Variants in PBX1 observed in about 807,000 individuals in gnomAD.
PBX1 encodes PBX homeobox 1, also known as pre-B-cell leukemia transcription factor 1.
In PBX1, 6 loss-of-function variants were observed where a neutral mutation model predicts 53.4. The observed-to-expected ratio is 0.11, with a 90% confidence interval of 0.06 to 0.22. PBX1 has a LOEUF of 0.22. Ranked by LOEUF, PBX1 falls within the 10% of genes least tolerant of loss-of-function variation. The pLI is 1.00. For missense variants in PBX1, 251 were observed against 551.4 expected (o/e 0.46, Z 5.46); for synonymous variants, 204 against 212.3 (o/e 0.96, Z 0.34).
chr1:164,660,911 A>G (rs766431633), intron 2 of PBX1, among the ~76,000 whole-genome samples: 1 of 152,160 alleles, frequency 6.6e-6, no homozygotes, highest in Non-Finnish European at 1.5e-5. Flanking sequence ...CTCAGCACTA[A>G]GTTACCTACC....
chr1:164,666,541 G>T (rs1660817084), intron 2 of PBX1, among the ~76,000 whole-genome samples: 1 of 152,008 alleles, frequency 6.6e-6, no homozygotes, highest in African/African-American at 2.4e-5. Flanking sequence ...GGCTGATGGA[G>T]CAAATATTCT....
rs182083228 is a variant in PBX1 at position 164,809,323 on chromosome 1, G to T, written c.837+1646G>T. Among the ~76,000 whole-genome samples the T allele has an allele frequency of 1.8e-3, 268 of 152,206 alleles. 1 individual carries two copies. The highest frequency in any genetic ancestry group is 6.8e-3 in the Middle Eastern group (2 of 294). On this transcript the variant is annotated intron_variant, in intron 5 of 8. Transcript: ENST00000420696. ...TATGGAAACTCAAGGTACAAATAGT[G>T]TGTCCATTAAAATCCTTATTTACAT...
intron 2 of PBX1, among the ~76,000 whole-genome samples, chr1:164,573,484 CTTTTTTTTTTT>C (rs747696401): frequency 9.6e-6 from 1 of 104,626 alleles, no homozygotes; most frequent in East Asian, 2.8e-4. Flanking sequence ...TACAGCACAT[CTTTTTTTTTTT>C]TTTTTTTTTT....
rs1663020520 is a variant in PBX1 at position 164,699,972 on chromosome 1, G to A, written c.266-92522G>A. 2.6e-5 allele frequency among the ~76,000 whole-genome samples: 4 copies of A among 152,288 alleles called. No homozygotes were observed. In the South Asian group the frequency reaches 8.3e-4, roughly 32 times the overall value. ...AAATGTGATGGATAGAGAAATAGAG[G>A]CGAAGGAGGGGACTTAATACTGAGA... On this transcript the variant is annotated intron_variant, in intron 2 of 8. Coordinates refer to ENST00000420696, the MANE Select transcript of PBX1 (RefSeq NM_002585.4).
intron 2 of PBX1, among the ~76,000 whole-genome samples, chr1:164,752,122 A>G (rs1410317592): frequency 6.6e-6 from 1 of 151,906 alleles, no homozygotes; most frequent in Non-Finnish European, 1.5e-5. Context: ...TCAAATGCCA[A>G]GGGAGATTTT....
intron 2 of PBX1, among the ~76,000 whole-genome samples, chr1:164,882,744 A>C (rs1462741374): frequency 6.6e-6 from 1 of 152,150 alleles, no homozygotes; most frequent in Non-Finnish European, 1.5e-5. Flanking sequence ...CCAGCCTCTG[A>C]TGTAATTATA....
intron 4 of PBX1, among the ~76,000 whole-genome samples, chr1:164,804,863 C>T (rs996348682): frequency 6.6e-6 from 1 of 152,164 alleles, no homozygotes; most frequent in African/African-American, 2.4e-5. Flanking sequence ...ATAGTAATGT[C>T]ACCAAATAAT....
chr1:164,833,281 G>T (rs1670859543), intron 8 of PBX1, among the ~76,000 whole-genome samples: 1 of 152,090 alleles, frequency 6.6e-6, no homozygotes, highest in Non-Finnish European at 1.5e-5. Context: ...GTCTAATGTG[G>T]TGATTTTTGC....
intron 2 of PBX1, among the ~76,000 whole-genome samples, chr1:164,703,951 G>A (rs1012964038): frequency 6.6e-6 from 1 of 152,116 alleles, no homozygotes; most frequent in African/African-American, 2.4e-5. Flanking sequence ...AATTGCATTT[G>A]AATCAGATGA....
chr1:164,564,985 A>G (rs1653329160), intron 2 of PBX1, among the ~76,000 whole-genome samples: 1 of 152,096 alleles, frequency 6.6e-6, no homozygotes, highest in Non-Finnish European at 1.5e-5. Flanking sequence ...AGCATATGTG[A>G]TAATATGGAC....
intron 2 of PBX1, among the ~76,000 whole-genome samples, chr1:164,717,438 G>T (rs1280037500): frequency 6.6e-6 from 1 of 152,170 alleles, no homozygotes; most frequent in Non-Finnish European, 1.5e-5. Flanking sequence ...ACGCTTGGGT[G>T]TTCTGGTGGC....
At chr1:164,602,526 T>A (rs1472532981) in intron 2 of PBX1, among the ~76,000 whole-genome samples, 1 of 152,098 alleles carries the variant, frequency 6.6e-6, no homozygotes, top group Non-Finnish European at 1.5e-5. Context: ...TATACATGTT[T>A]CCACCCACTT....
At chr1:164,674,847 GCCCCCCCCCCC>G (rs78130048) in intron 2 of PBX1, 1 of 40,616 alleles carries the variant, frequency 2.5e-5, no homozygotes, top group African/African-American at 6.4e-5. Context: ...AGAAATCACA[GCCCCCCCCCCC>G]CCCCACCCAC....
At chr1:164,709,905 A>G (rs1663657030) in intron 2 of PBX1, among the ~76,000 whole-genome samples, 1 of 152,154 alleles carries the variant, frequency 6.6e-6, no homozygotes, top group Non-Finnish European at 1.5e-5. Flanking sequence ...TAATCTGCAG[A>G]AGGAAAGCAT....
intron 2 of PBX1, among the ~76,000 whole-genome samples, chr1:164,864,033 G>A (rs573945164): frequency 5.3e-5 from 8 of 152,290 alleles, no homozygotes; most frequent in Admixed American, 4.6e-4. Context: ...TCCCTCGTGA[G>A]CTCAGTCTGG....
At chr1:164,720,901 G>T (rs1664367363) in intron 2 of PBX1, among the ~76,000 whole-genome samples, 1 of 152,176 alleles carries the variant, frequency 6.6e-6, no homozygotes, top group South Asian at 2.1e-4. Context: ...GGTTTCTGCG[G>T]TTTCCTTCCT....
rs1553255712 is a variant in PBX1 at position 164,870,356 on chromosome 1, T to TCTTTCTTTCTTTCTTC, written n.258-28827_258-28826insTTTCTTTCTTCCTTTC. On this transcript the variant is annotated intron_variant and non_coding_transcript_variant, in intron 2 of 2. Transcript: ENST00000558796. ...TTCTTTCTTTCTTTCTTTCTTTCTT[T>TCTTTCTTTCTTTCTTC]CTTTCGAGATGAAGTCTTGCTCTGT... Among the ~76,000 whole-genome samples the TCTTTCTTTCTTTCTTC allele has an allele frequency of 1.7e-3, 140 of 80,246 alleles. 30 individuals are homozygous for TCTTTCTTTCTTTCTTC. The Middle Eastern group carries it at 0.019, about 11-fold the overall frequency. 52.6% of individuals were successfully genotyped at this position (80,246 alleles called of 152,430 possible).
chr1:164,876,521 A>G (rs147565959), intron 2 of PBX1, among the ~76,000 whole-genome samples: 78 of 147,194 alleles, frequency 5.3e-4, no homozygotes, highest in African/African-American at 1.6e-3. Flanking sequence ...CTGAGAACTC[A>G]GGGCTAATCT....
chr1:164,625,519 T>C (rs1657977708), intron 2 of PBX1, among the ~76,000 whole-genome samples: 2 of 152,196 alleles, frequency 1.3e-5, no homozygotes, highest in Admixed American at 6.5e-5. Flanking sequence ...GATTCTGTTA[T>C]TACGTCTGAT....
Sources: gnomAD v4.1 joint callset for allele counts (sites outside exome capture counted in the v4.1 genomes callset) on GRCh38, gnomAD v4.1.1 for gene constraint, MANE v1.5 for transcripts, NCBI Gene and HGNC (gene_info 2026-07-23, HGNC 2026-07-21) for gene names.